The following PDE11A variants were observed in gnomAD, a reference collection of about 807,000 sequenced individuals.
PDE11A encodes dual 3',5'-cyclic-AMP and -GMP phosphodiesterase 11A.
PDE11A carries 100 observed loss-of-function variants against 100.5 expected under a neutral mutation model. That is an observed-to-expected ratio of 1.00 (90% CI 0.85 to 1.18). The LOEUF (loss-of-function observed/expected upper bound fraction) is 1.18. Among genes scored for constraint, PDE11A ranks in the 50% most tolerant of loss-of-function variants. The probability of loss-of-function intolerance (pLI) is 0.00; values close to 1 mark genes in which losing one functional copy is unlikely to be tolerated. For synonymous variants in PDE11A, 381 were observed against 420.8 expected, an observed-to-expected ratio of 0.91 and a Z score of 1.16; for missense variants, 1,141 against 1,152.6, an observed-to-expected ratio of 0.99 and a Z score of 0.15.
intron 6 of PDE11A, among the ~76,000 whole-genome samples, chr2:177,830,638 A>G (rs982215400): frequency 6.6e-5 from 9 of 135,950 alleles, no homozygotes; most frequent in Non-Finnish European, 1.4e-4. Flanking sequence ...TAATAATAAT[A>G]ATAATAATAA....
At chr2:177,701,092 A>C (rs369451480) in intron 14 of PDE11A, 29 bp downstream of exon 14, 10 of 1,251,628 alleles carry the variant, frequency 8.0e-6, no homozygotes, top group Non-Finnish European at 1.1e-5. Flanking sequence ...GTTTCTGTTA[A>C]GGGGAGAAGC....
chr2:177,676,639 C>T (rs749855421), intron 16 of PDE11A, among the ~76,000 whole-genome samples: 22 of 152,214 alleles, frequency 1.4e-4, no homozygotes, highest in African/African-American at 4.8e-4. Context: ...CCTCTCAACT[C>T]GAGCAGCATT....
At chr2:177,875,789 G>A in intron 5 of PDE11A, 70 bp downstream of exon 5, 1 of 966,838 alleles carries the variant, frequency 1.0e-6, no homozygotes, top group Non-Finnish European at 1.7e-6. Flanking sequence ...TATCTTCTAA[G>A]AATTATGCAA....
intron 10 of PDE11A, among the ~76,000 whole-genome samples, chr2:177,764,972 CA>C (rs2082219048): frequency 6.6e-6 from 1 of 152,154 alleles, no homozygotes; most frequent in Admixed American, 6.5e-5. Context: ...ATATCAGAAT[CA>C]GGAAAAATAA....
chr2:177,843,513 C>T (rs1268355289), intron 5 of PDE11A, among the ~76,000 whole-genome samples: 1 of 152,076 alleles, frequency 6.6e-6, no homozygotes, highest in African/African-American at 2.4e-5. Context: ...TACAGAATTC[C>T]CAAAGAAGAT....
chr2:178,009,093 C>G (rs1375969461), intron 2 of PDE11A, among the ~76,000 whole-genome samples: 2 of 152,204 alleles, frequency 1.3e-5, no homozygotes, highest in African/African-American at 4.8e-5. Flanking sequence ...AGCCCTTGCT[C>G]TTTTCCATTT....
chr2:177,935,866 T>C lies in PDE11A; in HGVS notation c.1072-30679A>G, dbSNP rs535579791. Among the ~76,000 whole-genome samples, 10 of 152,320 alleles carry C rather than the reference T, an allele frequency of 6.6e-5. No individual in the cohort carries two copies. The East Asian group carries it at 1.9e-3, about 29-fold the overall frequency. On this transcript the variant is annotated intron_variant, in intron 2 of 19. Transcript: ENST00000286063. ...CCCAGCTCCCTATCTCCAAGAGATG[T>C]CAGAAAGACCAGAATACCTAAGGAA...
chr2:177,964,920 G>C (rs1279409214), intron 2 of PDE11A, among the ~76,000 whole-genome samples: 1 of 152,164 alleles, frequency 6.6e-6, no homozygotes, highest in Non-Finnish European at 1.5e-5. Context: ...TGATAGTTCT[G>C]TTTTAAGCTC....
chr2:177,778,095 G>C (rs1355549197), intron 9 of PDE11A, among the ~76,000 whole-genome samples: 1 of 152,210 alleles, frequency 6.6e-6, no homozygotes, highest in Admixed American at 6.5e-5. Context: ...ATGAAAGAGA[G>C]AGGAAAGAAG....
chr2:177,838,491 T>C (rs2083439880), intron 6 of PDE11A, among the ~76,000 whole-genome samples: 1 of 152,210 alleles, frequency 6.6e-6, no homozygotes. Flanking sequence ...CTATCGTTCC[T>C]TCTCCAAAGA....
chr2:177,744,532 C>G (rs1413099268), intron 10 of PDE11A, among the ~76,000 whole-genome samples: 1 of 152,180 alleles, frequency 6.6e-6, no homozygotes, highest in African/African-American at 2.4e-5. Flanking sequence ...GTCCAGTTCA[C>G]CTTATTCAAT....
intron 9 of PDE11A, among the ~76,000 whole-genome samples, chr2:177,791,313 C>T (rs927865518): frequency 3.4e-4 from 49 of 146,068 alleles, no homozygotes; most frequent in African/African-American, 1.2e-3. Context: ...TGCATGTTCT[C>T]ACTCATAGGT....
At chr2:177,637,979 G>GTATA (rs1191837108) in intron 19 of PDE11A, among the ~76,000 whole-genome samples, 45 of 50,936 alleles carry the variant, frequency 8.8e-4, no homozygotes, top group South Asian at 5.3e-3. Context: ...ATATACACGT[G>GTATA]TATATATATA....
chr2:178,034,990 C>G (rs2086593181), intron 1 of PDE11A, among the ~76,000 whole-genome samples: 1 of 151,982 alleles, frequency 6.6e-6, no homozygotes, highest in Non-Finnish European at 1.5e-5. Flanking sequence ...CAAACACATT[C>G]AAAAGCTAGC....
rs138656652 is a variant in PDE11A, at chr2:177,717,175, G to A, written c.2044-5297C>T. 3.5e-3 allele frequency among the ~76,000 whole-genome samples: 533 copies of A among 152,218 alleles called. 4 individuals carry two copies. In the East Asian group the frequency reaches 0.043, roughly 12 times the overall value. On this transcript the variant is annotated intron_variant, in intron 12 of 19. Coordinates refer to ENST00000286063, the MANE Select transcript of PDE11A (RefSeq NM_016953.4). ...ACAAAACATATTTACCTCTCCCGAC[G>A]GTGATACCTGAGTTACTGAAGCAGC...
intron 17 of PDE11A, among the ~76,000 whole-genome samples, chr2:177,674,850 C>T (rs186895195): frequency 2.6e-5 from 4 of 152,146 alleles, no homozygotes; most frequent in South Asian, 4.1e-4. Flanking sequence ...CATCATAAAA[C>T]GCACATAACG....
chr2:177,825,379 G>A (rs977922807), intron 6 of PDE11A, among the ~76,000 whole-genome samples: 3 of 152,212 alleles, frequency 2.0e-5, no homozygotes, highest in African/African-American at 7.2e-5. Flanking sequence ...CATGCTTGAT[G>A]AGCCCAATCA....
intron 10 of PDE11A, among the ~76,000 whole-genome samples, chr2:177,738,779 A>G (rs767437369): frequency 9.2e-5 from 14 of 152,156 alleles, no homozygotes; most frequent in Non-Finnish European, 1.6e-4. Context: ...ATGAGACAAC[A>G]ATTCAATGAC....
chr2:177,947,799 A>T (rs72950814), intron 2 of PDE11A, among the ~76,000 whole-genome samples: 2 of 149,588 alleles, frequency 1.3e-5, no homozygotes, highest in Non-Finnish European at 3.0e-5. Context: ...AAAATAAAAA[A>T]AAAATAAAAT....
Sources: gnomAD v4.1 joint callset for allele counts (sites outside exome capture counted in the v4.1 genomes callset) on GRCh38, gnomAD v4.1.1 for gene constraint, MANE v1.5 for transcripts, NCBI Gene and HGNC (gene_info 2026-07-23, HGNC 2026-07-21) for gene names.